SYNE1: variants seen among roughly 807,000 people sequenced by gnomAD.
SYNE1 encodes nesprin-1.
Under a neutral mutation model 1,111.0 loss-of-function variants are expected in SYNE1, and 616 were observed. The ratio of observed to expected loss-of-function variants is 0.55; its 90% CI spans 0.52 to 0.59. SYNE1 has a LOEUF of 0.59. Ranked by LOEUF, SYNE1 falls within the 20% of genes least tolerant of loss-of-function variation. The pLI, the probability that SYNE1 is intolerant of heterozygous loss-of-function variation, is 0.00. For missense variants in SYNE1, 10,006 were observed against 10,417.0 expected, an observed-to-expected ratio of 0.96 and a Z score of 1.72; for synonymous variants, 3,855 against 3,825.8, an observed-to-expected ratio of 1.01 and a Z score of -0.28.
At chr6:152,461,834 C>T (rs2098735852) in intron 20 of SYNE1, 94 bp from the exon 21 acceptor site, 1 of 1,537,088 alleles carries the variant, frequency 6.5e-7, no homozygotes, top group South Asian at 1.1e-5. Context: ...TCAATATGCA[C>T]TGTATAAAAT....
At chr6:152,541,747 C>CAAAAAAAAAA (rs1267855271) in intron 3 of SYNE1, among the ~76,000 whole-genome samples, 3 of 60,292 alleles carry the variant, frequency 5.0e-5, no homozygotes, top group East Asian at 4.5e-4. Context: ...GACTCCATCT[C>CAAAAAAAAAA]AAAAAAAAAA....
chr6:152,591,960 G>A (rs1565047962), intron 3 of SYNE1, among the ~76,000 whole-genome samples: 1 of 151,836 alleles, frequency 6.6e-6, no homozygotes, highest in Non-Finnish European at 1.5e-5. Flanking sequence ...CAAATCAAAA[G>A]CATAATGAGA....
chr6:152,230,831 G>T, intron 114 of SYNE1, 129 bp from the exon 115 acceptor site: 3 of 1,082,748 alleles, frequency 2.8e-6, no homozygotes, highest in South Asian at 1.4e-5. Flanking sequence ...TCGTATATAT[G>T]ATTTAAAACA....
At chr6:152,512,865 G>C (rs7760728) in intron 6 of SYNE1, among the ~76,000 whole-genome samples, 4,011 of 152,190 alleles carry the variant, frequency 0.026, 174 homozygotes, top group African/African-American at 0.09. Flanking sequence ...GGTAGGATGG[G>C]CAATAGAGAC....
chr6:152,353,935 G>C (rs1038376516), intron 67 of SYNE1, among the ~76,000 whole-genome samples, 191 bp from the exon 68 acceptor site: 3 of 152,150 alleles, frequency 2.0e-5, no homozygotes, highest in South Asian at 4.2e-4. Context: ...CTGTACACTT[G>C]AGTTGGATAG....
intron 122 of SYNE1, 62 bp from the exon 123 acceptor site, chr6:152,213,821 T>C: frequency 1.9e-6 from 3 of 1,600,950 alleles, no homozygotes; most frequent in East Asian, 2.2e-5. Flanking sequence ...TTCTCTAGCA[T>C]ATAAAACTAG....
intron 97 of SYNE1, 89 bp downstream of exon 97, chr6:152,281,718 C>T (rs2094038946): frequency 2.8e-6 from 4 of 1,404,408 alleles, no homozygotes; most frequent in South Asian, 1.2e-5. Context: ...ATCATATATC[C>T]ACACCAAGCC....
intron 29 of SYNE1, among the ~76,000 whole-genome samples, chr6:152,446,828 G>A (rs2098596963): frequency 6.6e-6 from 1 of 152,116 alleles, no homozygotes; most frequent in Non-Finnish European, 1.5e-5. Context: ...AAGGAATATA[G>A]AAAAACATTA....
intron 106 of SYNE1, among the ~76,000 whole-genome samples, chr6:152,243,254 C>A (rs375753865): frequency 2.6e-5 from 4 of 152,162 alleles, no homozygotes; most frequent in South Asian, 2.1e-4. Context: ...ATATCCTTAA[C>A]ATTTTCCTGC....
At chr6:152,238,063 C>G (rs1043558944) in intron 108 of SYNE1, among the ~76,000 whole-genome samples, 7 of 152,032 alleles carry the variant, frequency 4.6e-5, no homozygotes, top group African/African-American at 7.2e-5. Context: ...TGAGGAGAGA[C>G]AGGCAATCAA....
intron 71 of SYNE1, 46 bp from the exon 72 acceptor site, chr6:152,350,381 C>T: frequency 1.9e-6 from 3 of 1,612,856 alleles, no homozygotes; most frequent in Non-Finnish European, 1.7e-6. Context: ...AGTGAAAAAC[C>T]TACTCAAAAC....
Position 152,233,808 on chromosome 6 carries a change from G to A in SYNE1, c.20685C>T (p.Ile6895=). 6.2e-7 allele frequency: 1 copy of A among 1,614,170 alleles called. No homozygotes were observed. The highest frequency in any genetic ancestry group is 8.5e-7 in the Non-Finnish European group (1 of 1,180,030). Residue 6895 remains isoleucine (I), a synonymous_variant, in exon 112 of 146, where the codon ATC becomes ATT. Coordinates refer to ENST00000367255, the MANE Select transcript of SYNE1 (RefSeq NM_182961.4). ...GGTGGAGCTTCTCCTGGACGGCTGG[G>A]ATATTGGTTAGCAGGTCAGTCCACT... ...DSQWTDLLTN[I]PAVQEKLHQL... is the part of the protein sequence containing the mutation.
At chr6:152,429,813 G>T (rs766195357) in intron 36 of SYNE1, among the ~76,000 whole-genome samples, 12 of 152,010 alleles carry the variant, frequency 7.9e-5, no homozygotes, top group Non-Finnish European at 1.5e-4. Flanking sequence ...TATAATGCTG[G>T]CAAGAGGTAA....
Position 152,376,616 on chromosome 6 carries a change from C to T in SYNE1, c.9147-58G>A. On this transcript the variant is annotated intron_variant, in intron 57 of 145. Coordinates refer to ENST00000367255, the MANE Select transcript of SYNE1 (RefSeq NM_182961.4). ...AAAAAGCGATAAAGTTGATGAAAAT[C>T]ATGTTTGATAGAATCACCAGTTCTT... The T allele has an allele frequency of 1.9e-6, 3 of 1,599,128 alleles. No individual in the cohort carries two copies. In the South Asian group the frequency reaches 3.3e-5, roughly 18 times the overall value.
At chr6:152,623,786 A>C (rs1172197109) in intron 3 of SYNE1, among the ~76,000 whole-genome samples, 1 of 152,108 alleles carries the variant, frequency 6.6e-6, no homozygotes, top group East Asian at 1.9e-4. Flanking sequence ...AAGGCATTAT[A>C]AAAACATTTC....
intron 18 of SYNE1, 28 bp from the exon 19 acceptor site, chr6:152,463,545 T>C: frequency 6.4e-7 from 1 of 1,568,120 alleles, no homozygotes; most frequent in East Asian, 2.3e-5. Flanking sequence ...CACAATATCA[T>C]AAACCATAAA....
At chr6:152,286,906 G>A (rs1353094413) in intron 95 of SYNE1, among the ~76,000 whole-genome samples, 3 of 152,182 alleles carry the variant, frequency 2.0e-5, no homozygotes, top group Non-Finnish European at 4.4e-5. Context: ...CCTAATCCAA[G>A]GTCATAAATA....
At chr6:152,159,306 G>A (rs142072244) in intron 131 of SYNE1, among the ~76,000 whole-genome samples, 6 of 152,264 alleles carry the variant, frequency 3.9e-5, no homozygotes, top group Non-Finnish European at 7.4e-5. Context: ...GATGATTGGC[G>A]TTCTATAAAT....
intron 6 of SYNE1, among the ~76,000 whole-genome samples, chr6:152,512,365 T>C (rs1191191039): frequency 1.3e-5 from 2 of 152,186 alleles, no homozygotes; most frequent in African/African-American, 4.8e-5. Flanking sequence ...AAGATATCTT[T>C]ATGGAAAATA....
Sources: allele counts gnomAD v4.1 joint callset (sites outside exome capture counted in the v4.1 genomes callset), GRCh38; gene constraint gnomAD v4.1.1; transcripts MANE v1.5; gene names NCBI Gene and HGNC (gene_info 2026-07-23, HGNC 2026-07-21).